PI4KA: variants seen among roughly 807,000 people sequenced by gnomAD.
PI4KA encodes PI4-kinase alpha.
In PI4KA, 122 loss-of-function variants were observed where a neutral mutation model predicts 271.4. The observed-to-expected ratio is 0.45, with a 90% CI of 0.39 to 0.52. The LOEUF (loss-of-function observed/expected upper bound fraction) is 0.52, where lower values mean the gene tolerates loss of function less well. Ranked by LOEUF, PI4KA falls within the 20% of genes least tolerant of loss-of-function variation. The probability of loss-of-function intolerance (pLI) is 0.00; values close to 1 mark genes in which losing one functional copy is unlikely to be tolerated. For missense variants in PI4KA, 1,969 were observed against 2,769.1 expected (o/e 0.71, Z 6.48); for synonymous variants, 1,041 against 1,078.8 (o/e 0.96, Z 0.69).
intron 19 of PI4KA, among the ~76,000 whole-genome samples, chr22:20,766,740 T>C (rs1052493636): frequency 2.6e-5 from 4 of 152,186 alleles, no homozygotes; most frequent in Non-Finnish European, 5.9e-5. Flanking sequence ...CCAGTGGATG[T>C]TGAGCTCCCA....
chr22:20,751,590 T>G, intron 26 of PI4KA, 84 bp downstream of exon 26: 2 of 1,208,132 alleles, frequency 1.7e-6, no homozygotes, highest in East Asian at 2.3e-5. Flanking sequence ...CAGAGAAGCA[T>G]GCCACAACAC....
At chr22:20,776,669 G>C (rs1187396130) in intron 19 of PI4KA, among the ~76,000 whole-genome samples, 2 of 152,140 alleles carry the variant, frequency 1.3e-5, no homozygotes, top group Non-Finnish European at 2.9e-5. Flanking sequence ...GCTTGATGTG[G>C]GGCTTAGAGG....
chr22:20,771,825 A>G (rs1956968033), intron 19 of PI4KA, among the ~76,000 whole-genome samples: 1 of 151,850 alleles, frequency 6.6e-6, no homozygotes, highest in Admixed American at 6.6e-5. Context: ...CAAGTGATCC[A>G]CCCGCCTTGG....
intron 3 of PI4KA, among the ~76,000 whole-genome samples, chr22:20,825,723 CAG>C (rs1923320205): frequency 6.6e-6 from 1 of 152,262 alleles, no homozygotes; most frequent in East Asian, 1.9e-4. Flanking sequence ...CTGGCACAAA[CAG>C]AATGTTTTTT....
chr22:20,800,599 A>C (rs1935238377), intron 14 of PI4KA, among the ~76,000 whole-genome samples: 1 of 151,782 alleles, frequency 6.6e-6, no homozygotes, highest in Non-Finnish European at 1.5e-5. Context: ...ACGGTGGCTC[A>C]CACCTGTAAT....
chr22:20,744,103 T>C (rs1365326874), intron 30 of PI4KA, among the ~76,000 whole-genome samples: 5 of 152,072 alleles, frequency 3.3e-5, no homozygotes, highest in Admixed American at 1.3e-4. Flanking sequence ...ATAGATTAGC[T>C]TCTGAGTTTA....
intron 3 of PI4KA, among the ~76,000 whole-genome samples, chr22:20,826,985 T>TCA (rs1395980415): frequency 1.4e-3 from 207 of 152,300 alleles, no homozygotes; most frequent in African/African-American, 4.7e-3. Context: ...TTTCATTCAG[T>TCA]AGGGTGGCTG....
intron 32 of PI4KA, among the ~76,000 whole-genome samples, chr22:20,739,527 C>T (rs554388837): frequency 3.2e-4 from 48 of 149,008 alleles, no homozygotes; most frequent in Non-Finnish European, 6.8e-4. Flanking sequence ...GGAAAATATA[C>T]AGCAGTCCTC....
chr22:20,791,354 C>CT (rs2147546445), intron 19 of PI4KA, among the ~76,000 whole-genome samples: 1 of 152,334 alleles, frequency 6.6e-6, no homozygotes, highest in South Asian at 2.1e-4. Context: ...ATGCCCCTTA[C>CT]TTTTCCCTCC....
Position 20,858,608 on chromosome 22 carries a change from G to C in PI4KA, c.118C>G (p.Arg40Gly). ...FYFNTVLSLA[R>G]SLAVQRPASL... ...GCTGGTCTCTGCACCGCCAGGGAGCGGGCCAGTGACAGGACCGTGTTGAAA... is the reference window on the plus strand; with the variant it reads ...GCTGGTCTCTGCACCGCCAGGGAGCCGGCCAGTGACAGGACCGTGTTGAAA... The change falls in exon 1 of 55, where the codon CGC (arginine) becomes GGC (glycine). Residue 40 changes from arginine (R) to glycine (G), a missense_variant. Transcript: ENST00000255882. The C allele has an allele frequency of 6.8e-7, 1 of 1,478,566 alleles. No homozygotes were observed. The highest frequency in any genetic ancestry group is 8.9e-7 in the Non-Finnish European group (1 of 1,119,446). The allele number at this position is 1,478,566 out of a possible 1,614,324, so 91.6% of individuals were successfully genotyped here.
In PI4KA at chr22:20,832,025, T is replaced by C. The variant is rs180922688; in HGVS notation, c.367+2537A>G. On this transcript the variant is annotated intron_variant, in intron 3 of 54. Coordinates refer to ENST00000255882, the MANE Select transcript of PI4KA (RefSeq NM_058004.4). ...CAGAGGTGTTCATTCTTTATTTTCTTTATTTTTGTCTGAGTTATTTTGGAG... is the reference window on the plus strand; with the variant it reads ...CAGAGGTGTTCATTCTTTATTTTCTCTATTTTTGTCTGAGTTATTTTGGAG... 5.3e-5 allele frequency among the ~76,000 whole-genome samples: 8 copies of C among 152,306 alleles called. No homozygotes were observed. The East Asian group carries it at 1.5e-3, about 29-fold the overall frequency.
chr22:20,721,624 G>A, intron 42 of PI4KA: 1 of 564,554 alleles, frequency 1.8e-6, no homozygotes, highest in Non-Finnish European at 3.2e-6. Flanking sequence ...TGGGACCTGG[G>A]GGGCAGGGTT....
intron 32 of PI4KA, among the ~76,000 whole-genome samples, chr22:20,739,651 C>A (rs1409466272): frequency 6.6e-6 from 1 of 151,948 alleles, no homozygotes; most frequent in Non-Finnish European, 1.5e-5. Context: ...AATACAAGAA[C>A]AGACCAGATA....
At chr22:20,824,942 C>T in intron 3 of PI4KA, among the ~76,000 whole-genome samples, 1 of 151,162 alleles carries the variant, frequency 6.6e-6, no homozygotes, top group Non-Finnish European at 1.5e-5. Context: ...TGGTGGCGCA[C>T]ACCTGTAATC....
Position 20,786,770 on chromosome 22 carries a change from C to G in PI4KA, c.2328+6423G>C. The G allele has an allele frequency of 1.7e-6, 2 of 1,145,416 alleles. 1 individual carries two copies. Among genetic ancestry groups the G allele is most frequent in the Non-Finnish European group, 2.6e-6 (2 of 761,294 alleles). 71.0% of individuals were successfully genotyped at this position (1,145,416 alleles called of 1,614,324 possible). A position where few individuals can be genotyped will look rare whatever the true frequency, so the allele number is the denominator to read the frequency against. On this transcript the variant is annotated intron_variant, in intron 19 of 54. Transcript: ENST00000255882. ...CTGACCAGCTGTGATTTCCACCTTA[C>G]ATGTTGTCTTTGGATCCTTTCCCTG...
intron 19 of PI4KA, chr22:20,786,879 A>C (rs1934279523): frequency 6.2e-7 from 1 of 1,614,066 alleles, no homozygotes; most frequent in Non-Finnish European, 8.5e-7. Flanking sequence ...AAACAGTTCA[A>C]GCACCAAGGC....
chr22:20,759,935 G>A (rs1341823719), intron 23 of PI4KA, among the ~76,000 whole-genome samples: 13 of 152,068 alleles, frequency 8.5e-5, no homozygotes, highest in Admixed American at 1.3e-4. Flanking sequence ...CCTGACCTCA[G>A]GTGATCTACC....
Position 20,708,007 on chromosome 22 carries a change from T to C in PI4KA, c.*40A>G, listed in dbSNP as rs779887576. On this transcript the variant is annotated 3_prime_UTR_variant, in exon 55 of 55. Coordinates refer to ENST00000255882, the MANE Select transcript of PI4KA (RefSeq NM_058004.4). ...AGGGCTCCATGATTGTGGGACAGCTTTGAGGGCACATGGGGCAGAGGCCCT... is the reference window on the plus strand; with the variant it reads ...AGGGCTCCATGATTGTGGGACAGCTCTGAGGGCACATGGGGCAGAGGCCCT... 5.2e-6 allele frequency: 8 copies of C among 1,537,018 alleles called. No individual in the cohort carries two copies. Among genetic ancestry groups the C allele is most frequent in the Non-Finnish European group, 7.2e-6 (8 of 1,110,514 alleles).
chr22:20,786,275 C>T (rs767115285), intron 19 of PI4KA: 54 of 1,067,260 alleles, frequency 5.1e-5, no homozygotes, highest in Non-Finnish European at 7.1e-5. Flanking sequence ...GTCTGCTCTT[C>T]GGCCTGGGTG....
Sources: gnomAD v4.1 joint callset for allele counts (sites outside exome capture counted in the v4.1 genomes callset) on GRCh38, gnomAD v4.1.1 for gene constraint, MANE v1.5 for transcripts, NCBI Gene and HGNC (gene_info 2026-07-23, HGNC 2026-07-21) for gene names.